CELF2: variants seen among roughly 807,000 people sequenced by gnomAD.
CELF2 encodes the protein CUGBP Elav-like family member 2, also known as CUG triplet repeat RNA-binding protein 2.
In CELF2, 8 loss-of-function variants were observed where a neutral mutation model predicts 62.6. The observed-to-expected ratio is 0.13, with a 90% CI of 0.07 to 0.23. The LOEUF is 0.23. Among genes scored for constraint, CELF2 ranks in the 10% least tolerant of loss-of-function variants. The pLI is 1.00. For missense variants in CELF2, 333 were observed against 671.0 expected (o/e 0.50, Z 5.56); for synonymous variants, 258 against 250.0 (o/e 1.03, Z -0.30).
At chr10:10,800,188 G>A (rs928269592) in intron 1 of CELF2, among the ~76,000 whole-genome samples, 6 of 152,144 alleles carry the variant, frequency 3.9e-5, no homozygotes, top group African/African-American at 1.4e-4. Flanking sequence ...AAAAAGTACT[G>A]CATGTCATAT....
At chr10:10,508,183 T>C in the CELF2 span, among the ~76,000 whole-genome samples, 1 of 148,042 alleles carries the variant, frequency 6.8e-6, no homozygotes, top group Non-Finnish European at 1.5e-5. Context: ...AAAAAAAAAA[T>C]ATTCATGCTC....
chr10:10,985,777 G>A (rs955314380), intron 2 of CELF2, among the ~76,000 whole-genome samples: 4 of 152,068 alleles, frequency 2.6e-5, no homozygotes, highest in Non-Finnish European at 5.9e-5. Flanking sequence ...TCTTCTTCTC[G>A]CTAAAGACCC....
At chr10:11,019,350 AAG>A (rs1327692313) in intron 1 of CELF2, among the ~76,000 whole-genome samples, 1 of 152,202 alleles carries the variant, frequency 6.6e-6, no homozygotes, top group Non-Finnish European at 1.5e-5. Context: ...TTGGTATGGT[AAG>A]AGTGCGTGTA....
Position 11,320,872 on chromosome 10 carries a change from G to A in CELF2, c.1097-317G>A, listed in dbSNP as rs951795248. ...TGCTCCTAAGCTCCCAGAAGCAAAA[G>A]GCTTTTACTTCCAAAAGATAACAAC... On this transcript the variant is annotated intron_variant, in intron 10 of 12. Coordinates refer to ENST00000633077, the MANE Select transcript of CELF2 (RefSeq NM_001326342.2). 4.5e-6 allele frequency: 7 copies of A among 1,544,944 alleles called. No individual in the cohort carries two copies. The African/African-American group carries it at 8.3e-5, about 18-fold the overall frequency.
At chr10:10,666,592 G>A in the CELF2 span, among the ~76,000 whole-genome samples, 1 of 75,852 alleles carries the variant, frequency 1.3e-5, no homozygotes, top group African/African-American at 6.7e-5. Context: ...GCCGGGCGCG[G>A]TGGCTCACGC....
chr10:11,079,467 G>T (rs991710699), intron 1 of CELF2, among the ~76,000 whole-genome samples: 2 of 152,180 alleles, frequency 1.3e-5, no homozygotes, highest in Non-Finnish European at 2.9e-5. Context: ...GTGGGACTAG[G>T]TGAAGACGAT....
chr10:11,097,467 G>A (rs2050214649), intron 1 of CELF2: 1 of 152,124 alleles, frequency 6.6e-6, no homozygotes, highest in Non-Finnish European at 1.5e-5. Context: ...TGCAGTCTGG[G>A]AAAATAAAAT....
intron 1 of CELF2, among the ~76,000 whole-genome samples, chr10:11,122,757 T>C (rs535757940): frequency 1.3e-5 from 2 of 152,378 alleles, no homozygotes; most frequent in Admixed American, 6.5e-5. Context: ...ATTTAAATTA[T>C]AGCCAAGCTC....
chr10:10,844,790 C>A (rs865985150), intron 1 of CELF2, among the ~76,000 whole-genome samples: 1 of 152,176 alleles, frequency 6.6e-6, no homozygotes, highest in South Asian at 2.1e-4. Flanking sequence ...AAAAGATTGA[C>A]ATATGCCCTG....
At chr10:11,113,183 C>T (rs1166906317) in intron 1 of CELF2, among the ~76,000 whole-genome samples, 1 of 152,222 alleles carries the variant, frequency 6.6e-6, no homozygotes. Context: ...CACTTGCATT[C>T]TAACCTGGAT....
the CELF2 span, among the ~76,000 whole-genome samples, chr10:10,657,634 G>A: frequency 3.3e-5 from 5 of 152,056 alleles, no homozygotes; most frequent in Admixed American, 1.3e-4. Flanking sequence ...ATTATATAAA[G>A]TTTAAGTATA....
chr10:11,281,153 C>T (rs150670241), intron 8 of CELF2, among the ~76,000 whole-genome samples: 2 of 152,290 alleles, frequency 1.3e-5, no homozygotes, highest in African/African-American at 2.4e-5. Context: ...TCCACTACCA[C>T]TTGTATCTCT....
the CELF2 span, among the ~76,000 whole-genome samples, chr10:10,673,781 C>T: frequency 6.6e-6 from 1 of 152,056 alleles, no homozygotes; most frequent in Non-Finnish European, 1.5e-5. Flanking sequence ...TCTCTTGGAC[C>T]TATATGTTTT....
chr10:10,566,402 A>ATTTTTTTTTTTTTTATTTTTTTTT, the CELF2 span, among the ~76,000 whole-genome samples: 1 of 142,522 alleles, frequency 7.0e-6, no homozygotes. Flanking sequence ...GCACTTAGGG[A>ATTTTTTTTTTTTTTATTTTTTTTT]TTTTTTTTTT....
intron 2 of CELF2, among the ~76,000 whole-genome samples, chr10:11,182,071 A>G (rs1258404705): frequency 6.6e-6 from 1 of 152,198 alleles, no homozygotes; most frequent in African/African-American, 2.4e-5. Flanking sequence ...TAAAATAAGG[A>G]AGGAGAAAAA....
intron 2 of CELF2, among the ~76,000 whole-genome samples, chr10:11,184,463 G>T (rs2074303012): frequency 6.6e-6 from 1 of 152,176 alleles, no homozygotes; most frequent in South Asian, 2.1e-4. Flanking sequence ...TATAGGAAAT[G>T]CATTGGATCT....
At chr10:10,673,254 G>A in the CELF2 span, among the ~76,000 whole-genome samples, 106 of 151,766 alleles carry the variant, frequency 7.0e-4, no homozygotes, top group Admixed American at 3.6e-3. Flanking sequence ...TTCTCCTTTC[G>A]CTATCTGTAT....
the CELF2 span, among the ~76,000 whole-genome samples, chr10:10,757,300 A>C: frequency 9.2e-5 from 14 of 151,808 alleles, no homozygotes; most frequent in South Asian, 2.1e-4. Flanking sequence ...TCTACAAAAA[A>C]ATAAAATAAT....
At chr10:11,053,648 T>A (rs1391442768) in intron 1 of CELF2, among the ~76,000 whole-genome samples, 2 of 146,736 alleles carry the variant, frequency 1.4e-5, no homozygotes, top group African/African-American at 5.0e-5. Flanking sequence ...AGAGTCTTGC[T>A]CTGTTGCCCA....
Sources: allele counts gnomAD v4.1 joint callset (sites outside exome capture counted in the v4.1 genomes callset), GRCh38; gene constraint gnomAD v4.1.1; transcripts MANE v1.5; gene names NCBI Gene and HGNC (gene_info 2026-07-23, HGNC 2026-07-21).